TENM1: variants seen among roughly 807,000 people sequenced by gnomAD.
TENM1 encodes the protein teneurin transmembrane protein 1, also known as teneurin-1.
In TENM1, 35 loss-of-function variants were observed where a neutral mutation model predicts 174.8. That is an observed-to-expected ratio of 0.20 (90% CI 0.15 to 0.27). The LOEUF is 0.27. Among genes scored for constraint, TENM1 ranks in the 10% least tolerant of loss-of-function variants. The pLI is 1.00. For synonymous variants in TENM1, 781 were observed against 798.7 expected, an observed-to-expected ratio of 0.98 and a Z score of 0.37; for missense variants, 1,633 against 2,130.1, an observed-to-expected ratio of 0.77 and a Z score of 4.59.
intron 3 of TENM1, among the ~76,000 whole-genome samples, chrX:124,762,715 TAA>T (rs1176237065): frequency 8.9e-6 from 1 of 111,860 alleles, no homozygotes; most frequent in African/African-American, 3.2e-5. Flanking sequence ...ATTGTGATTA[TAA>T]AGTTGCTGGT....
intron 4 of TENM1, among the ~76,000 whole-genome samples, chrX:124,730,458 G>A (rs1275869086): frequency 9.0e-6 from 1 of 111,253 alleles, no homozygotes; most frequent in African/African-American, 3.3e-5. Flanking sequence ...TTACTTTACA[G>A]ATGAGAAAAC....
At chrX:125,123,424 A>AAAAATAAT in the TENM1 span, among the ~76,000 whole-genome samples, 1 of 94,979 alleles carries the variant, frequency 1.1e-5, no homozygotes, top group African/African-American at 3.9e-5. Context: ...ATCTCTACAA[A>AAAAATAAT]AAAATAAAAT....
intron 5 of TENM1, among the ~76,000 whole-genome samples, chrX:124,690,507 G>A (rs2052491587): frequency 9.1e-6 from 1 of 109,321 alleles, no homozygotes; most frequent in Admixed American, 9.8e-5. Flanking sequence ...GTGTGTGTGT[G>A]TGTGTGTGTG....
At chrX:124,526,736 CT>C (rs763245791) in intron 16 of TENM1, among the ~76,000 whole-genome samples, 124 of 112,214 alleles carry the variant, frequency 1.1e-3, no homozygotes, top group African/African-American at 3.7e-3. Context: ...AGATGGAAGG[CT>C]ATTGACACCT....
chrX:124,799,534 T>G (rs1569448618), intron 3 of TENM1, among the ~76,000 whole-genome samples: 1 of 111,237 alleles, frequency 9.0e-6, no homozygotes, highest in African/African-American at 3.3e-5. Context: ...AAATATAGGA[T>G]CACACTGTCT....
intron 1 of TENM1, among the ~76,000 whole-genome samples, chrX:124,948,477 AATTTT>A (rs2058434192): frequency 8.9e-6 from 1 of 112,848 alleles, no homozygotes; most frequent in East Asian, 2.8e-4. Flanking sequence ...AAATGTTAGG[AATTTT>A]ATTTTAATCA....
At chrX:125,140,598 T>A in the TENM1 span, among the ~76,000 whole-genome samples, 2 of 111,840 alleles carry the variant, frequency 1.8e-5, no homozygotes, top group African/African-American at 6.5e-5. Flanking sequence ...AGGAGAGAAG[T>A]CTTGAAGTGT....
In TENM1 at chrX:124,516,425, T is replaced by C. The variant is rs1213983659; in HGVS notation, c.3301+4092A>G. Among the ~76,000 whole-genome samples the C allele has an allele frequency of 2.7e-5, 3 of 111,493 alleles. No homozygotes were observed. The Admixed American group carries it at 2.9e-4, about 11-fold the overall frequency. ...GAGAGTAAACAGATAACCTAAAGAA[T>C]AGGAGAAAATATTTGCAAACTATGC... is the stretch of plus-strand genomic sequence containing the variant. On this transcript the variant is annotated intron_variant, in intron 18 of 31. Transcript: ENST00000422452.
At chrX:124,733,660 G>A (rs1031431389) in intron 4 of TENM1, among the ~76,000 whole-genome samples, 1 of 111,890 alleles carries the variant, frequency 8.9e-6, no homozygotes, top group Non-Finnish European at 1.9e-5. Context: ...AGCTAATAAC[G>A]TTTCTGGCTT....
At chrX:124,465,836 C>A (rs1013343970) in intron 22 of TENM1, among the ~76,000 whole-genome samples, 7 of 111,120 alleles carry the variant, frequency 6.3e-5, no homozygotes, top group Non-Finnish European at 1.3e-4. Context: ...TCCCGTGTCT[C>A]CCCAAAGAGA....
At chrX:124,523,381 T>A (rs1384013344) in exon 17 of TENM1, 1 of 1,211,677 alleles carries the variant, frequency 8.3e-7, no homozygotes, top group Non-Finnish European at 1.1e-6. Flanking sequence ...TCAGGAACAA[T>A]AGTTCCCCTC....
At chrX:124,379,710 T>C (rs1213156156) in exon 32 of TENM1, 1 of 112,113 alleles carries the variant, frequency 8.9e-6, no homozygotes, top group African/African-American at 3.3e-5. Flanking sequence ...CCAAAACACA[T>C]CCTATATATA....
chrX:124,747,493 T>C (rs1021034855), intron 3 of TENM1, among the ~76,000 whole-genome samples: 6 of 107,341 alleles, frequency 5.6e-5, no homozygotes, highest in Non-Finnish European at 9.7e-5. Flanking sequence ...TAAGCAAGTA[T>C]TGGGTTGGTG....
chrX:124,907,212 A>C (rs947695953), intron 1 of TENM1, among the ~76,000 whole-genome samples: 21 of 112,083 alleles, frequency 1.9e-4, no homozygotes, highest in African/African-American at 5.8e-4. Flanking sequence ...AGAAAAACCA[A>C]TCTGTGTTCA....
the TENM1 span, among the ~76,000 whole-genome samples, chrX:125,101,403 T>C: frequency 8.9e-6 from 1 of 111,978 alleles, no homozygotes; most frequent in Non-Finnish European, 1.9e-5. Flanking sequence ...ATATGTGAAA[T>C]GGGTCATTTG....
chrX:124,588,901 G>A (rs1447386274), intron 11 of TENM1, among the ~76,000 whole-genome samples: 9 of 109,892 alleles, frequency 8.2e-5, no homozygotes, highest in African/African-American at 3.0e-4. Flanking sequence ...TCTTTCTCTT[G>A]CCTAATTGCT....
At chrX:124,768,180 A>T (rs185168810) in intron 3 of TENM1, among the ~76,000 whole-genome samples, 1 of 112,281 alleles carries the variant, frequency 8.9e-6, no homozygotes. Context: ...TAATTGAAAG[A>T]TATTTTAATA....
At chrX:124,402,753 AC>A (rs1176162065) in intron 27 of TENM1, among the ~76,000 whole-genome samples, 1 of 111,684 alleles carries the variant, frequency 9.0e-6, no homozygotes, top group African/African-American at 3.3e-5. Flanking sequence ...TGGGAGAGGT[AC>A]TAAGAAATCA....
intron 3 of TENM1, among the ~76,000 whole-genome samples, chrX:124,868,896 C>T (rs1220941568): frequency 9.0e-6 from 1 of 110,659 alleles, no homozygotes; most frequent in Admixed American, 9.6e-5. Flanking sequence ...TATCATTAAT[C>T]ATCAGAGAAA....
Sources: gnomAD v4.1 joint callset for allele counts (sites outside exome capture counted in the v4.1 genomes callset) on GRCh38, gnomAD v4.1.1 for gene constraint, MANE v1.5 for transcripts, NCBI Gene and HGNC (gene_info 2026-07-23, HGNC 2026-07-21) for gene names.